Variants in ZSCAN18 observed in about 807,000 individuals in gnomAD.
ZSCAN18 encodes zinc finger and SCAN domain-containing protein 18.
Under a neutral mutation model 31.1 loss-of-function variants are expected in ZSCAN18, and 16 were observed. The ratio of observed to expected loss-of-function variants is 0.51; its 90% CI spans 0.35 to 0.78. The LOEUF (loss-of-function observed/expected upper bound fraction) is 0.78. Among genes scored for constraint, ZSCAN18 ranks in the 30% least tolerant of loss-of-function variants. ZSCAN18 has a pLI of 0.01. For synonymous variants in ZSCAN18, 375 were observed against 320.7 expected, an observed-to-expected ratio of 1.17 and a Z score of -1.81; for missense variants, 731 against 697.4, an observed-to-expected ratio of 1.05 and a Z score of -0.54.
intron 2 of ZSCAN18, 102 bp downstream of exon 2, chr19:58,089,763 G>A (rs1422522233): frequency 2.1e-6 from 3 of 1,405,848 alleles, no homozygotes; most frequent in East Asian, 4.6e-5. Flanking sequence ...TCAGCAGTGT[G>A]GGGAACTTAA....
chr19:58,090,278 C>T lies in ZSCAN18; in HGVS notation c.-11G>A, dbSNP rs200705696. On this transcript the variant is annotated 5_prime_UTR_variant, in exon 2 of 7. Transcript: ENST00000601144. This position sits in a 1 kb window ranked among gnomAD's most constrained non-coding sequence, Gnocchi z 4.7. ...CTCCAAAGGCAACATCTTTCCAAAA[C>T]GGCACTGGAAAATGTGACTGTCTAG... The T allele has an allele frequency of 2.1e-4, 336 of 1,613,482 alleles. 2 individuals are homozygous for T. In the Middle Eastern group the frequency reaches 3.0e-3, roughly 14 times the overall value.
At chr19:58,093,063 C>G (rs1181072974) in intron 1 of ZSCAN18, among the ~76,000 whole-genome samples, 2 of 152,120 alleles carry the variant, frequency 1.3e-5, no homozygotes, top group Non-Finnish European at 2.9e-5. Context: ...AGGCGTGAGC[C>G]ACTGCACCCA....
chr19:58,116,018 T>G (rs536402632), intron 1 of ZSCAN18, among the ~76,000 whole-genome samples: 1 of 151,558 alleles, frequency 6.6e-6, no homozygotes, highest in Non-Finnish European at 1.5e-5. Flanking sequence ...TAGAATAGTA[T>G]AGAGCAGTGA....
At chr19:58,114,143 C>G (rs922546094) in intron 1 of ZSCAN18, among the ~76,000 whole-genome samples, 30 of 152,014 alleles carry the variant, frequency 2.0e-4, no homozygotes, top group African/African-American at 7.3e-4. Flanking sequence ...TGGCACGTGC[C>G]TATAGTCCCA....
At chr19:58,114,295 T>C (rs1463399428) in intron 1 of ZSCAN18, among the ~76,000 whole-genome samples, 1 of 152,176 alleles carries the variant, frequency 6.6e-6, no homozygotes, top group Non-Finnish European at 1.5e-5. Flanking sequence ...AATAATGTCA[T>C]AATATAATTA....
chr19:58,096,195 T>A (rs1486648739), intron 1 of ZSCAN18, among the ~76,000 whole-genome samples: 1 of 151,800 alleles, frequency 6.6e-6, no homozygotes, highest in Non-Finnish European at 1.5e-5. Flanking sequence ...CACTCCAGCC[T>A]GGGCGACAGA....
At chr19:58,102,292 A>G (rs1005069888), upstream of ZSCAN18, among the ~76,000 whole-genome samples, 5 of 152,014 alleles carry the variant, frequency 3.3e-5, no homozygotes, top group African/African-American at 1.2e-4. Flanking sequence ...CCCTGTCTCT[A>G]CCAAGAAAAT....
At chr19:58,114,440 TTATGAG>T (rs1600018013) in intron 1 of ZSCAN18, among the ~76,000 whole-genome samples, 1 of 61,314 alleles carries the variant, frequency 1.6e-5, no homozygotes, top group African/African-American at 4.2e-5. Context: ...GCCAACATAT[TTATGAG>T]TAAAGTGTCA....
In ZSCAN18 at chr19:58,084,671, G is replaced by T; in HGVS notation, c.*14C>A. On this transcript the variant is annotated 3_prime_UTR_variant, in exon 7 of 7. Coordinates refer to ENST00000601144, the MANE Select transcript of ZSCAN18 (RefSeq NM_001145543.2). This position sits in a 1 kb window ranked among gnomAD's most constrained non-coding sequence, Gnocchi z 4.5. ...CGGCAAAGCGGCCCCTCCGGAACGG[G>T]ACAGCACAGCGGCTCACCTCTGCGC... The T allele has an allele frequency of 1.4e-6, 2 of 1,478,854 alleles. No homozygotes were observed. Among genetic ancestry groups the T allele is most frequent in the Admixed American group, 2.4e-5 (1 of 41,334 alleles). 91.6% of individuals were successfully genotyped at this position (1,478,854 alleles called of 1,614,324 possible).
chr19:58,112,614 G>A (rs1204940716), intron 1 of ZSCAN18, among the ~76,000 whole-genome samples: 1 of 149,946 alleles, frequency 6.7e-6, no homozygotes, highest in East Asian at 2.0e-4. Context: ...TCACACCACT[G>A]CACTCCAGCC....
chr19:58,116,084 C>A (rs1385782279), intron 1 of ZSCAN18, among the ~76,000 whole-genome samples: 2 of 151,294 alleles, frequency 1.3e-5, no homozygotes, highest in Non-Finnish European at 2.9e-5. Context: ...AAGAAGGTTG[C>A]AAAGTCTTGT....
At chr19:58,089,435 G>A (rs1489151434) in intron 2 of ZSCAN18, among the ~76,000 whole-genome samples, 1 of 150,796 alleles carries the variant, frequency 6.6e-6, no homozygotes, top group African/African-American at 2.4e-5. Flanking sequence ...ATACCATCCT[G>A]GCCAACATGG....
rs1041691877 is a variant in ZSCAN18, at chr19:58,118,382, T to A, written c.15A>T (p.Gly5=). ...CCGTAGCGTCCTCGTCAGCTCGCCCTCCGACTCTCCGCATGGGCGCGCAGA... is the reference window on the plus strand; with the variant it reads ...CCGTAGCGTCCTCGTCAGCTCGCCCACCGACTCTCCGCATGGGCGCGCAGA... The change falls in exon 1 of 2, where the codon GGA becomes GGT. Residue 5 remains glycine (G), a synonymous_variant. Transcript: ENST00000595721. The A allele has an allele frequency of 2.6e-6, 4 of 1,530,214 alleles. No homozygotes were observed. The African/African-American group carries it at 5.7e-5, about 22-fold the overall frequency. 94.8% of individuals were successfully genotyped at this position (1,530,214 alleles called of 1,614,324 possible). A position where few individuals can be genotyped will look rare whatever the true frequency, so the allele number is the denominator to read the frequency against.
intron 1 of ZSCAN18, among the ~76,000 whole-genome samples, chr19:58,103,280 G>A (rs2074609586): frequency 6.6e-6 from 1 of 152,126 alleles, no homozygotes; most frequent in Non-Finnish European, 1.5e-5. Context: ...TCCAGATATA[G>A]GCATTACCTT....
rs764746245 is a variant in ZSCAN18 at position 58,085,104 on chromosome 19, G to C, written c.1114C>G (p.Pro372Ala). The C allele has an allele frequency of 1.5e-5, 24 of 1,606,760 alleles. No homozygotes were observed. The highest frequency in any genetic ancestry group is 2.5e-6 in the Non-Finnish European group (3 of 1,176,480). ...RGTAKLGTKR[P>A]HPEDGDGQSL... ...TGCCCGTCCCCATCCTCGGGGTGCG[G>C]CCTCTTGGTTCCCAGTTTCGCCGTG... Residue 372 changes from proline (P) to alanine (A), a missense_variant, in exon 7 of 7, where the codon CCG becomes GCG. Around this residue, in one of 4 missense-constraint regions of ZSCAN18, gnomAD observed 597 missense variants for 499.5 expected, o/e 1.20. Coordinates refer to ENST00000601144, the MANE Select transcript of ZSCAN18 (RefSeq NM_001145543.2).
At chr19:58,106,797 G>T (rs1194543622) in intron 1 of ZSCAN18, among the ~76,000 whole-genome samples, 3 of 150,676 alleles carry the variant, frequency 2.0e-5, no homozygotes, top group African/African-American at 7.4e-5. Flanking sequence ...GCCTCCTTCT[G>T]TTTCCCAGGC....
chr19:58,113,859 TC>T (rs558075128), intron 1 of ZSCAN18, among the ~76,000 whole-genome samples: 36 of 152,066 alleles, frequency 2.4e-4, no homozygotes, highest in Admixed American at 3.9e-4. Flanking sequence ...GCGCCTGAAA[TC>T]CCAGCTACTC....
chr19:58,089,759 G>A (rs2074372581), intron 2 of ZSCAN18, 106 bp downstream of exon 2: 2 of 1,376,032 alleles, frequency 1.5e-6, no homozygotes, highest in Middle Eastern at 2.0e-4. Flanking sequence ...TGCCTCAGCA[G>A]TGTGGGGAAC....
rs1164668750 is a variant in ZSCAN18 at position 58,090,174 on chromosome 19, C to A, written c.94G>T (p.Glu32Ter). ...CTCTCAGGGATGGTCTCGGGTTCTTCCTGCTGGACTCCGGCTGCTGACCCC... is the reference window on the plus strand; with the variant it reads ...CTCTCAGGGATGGTCTCGGGTTCTTACTGCTGGACTCCGGCTGCTGACCCC... Reference protein sequence around the residue: ...TPGSAAGVQQEEPETIPERTP... With the variant: ...TPGSAAGVQQ Residue 32 changes from glutamate (E) to a stop codon, truncating the protein, a stop_gained, in exon 2 of 7, where the codon GAA (glutamate) becomes TAA (stop). Coordinates refer to ENST00000601144, the MANE Select transcript of ZSCAN18 (RefSeq NM_001145543.2). LOFTEE classifies it high-confidence loss of function. The surrounding 1 kb of genome is among the most constrained non-coding windows in gnomAD (Gnocchi z 4.7). 6.2e-7 allele frequency: 1 copy of A among 1,613,672 alleles called. No homozygotes were observed. The highest frequency in any genetic ancestry group is 2.2e-5 in the East Asian group (1 of 44,882).
Sources: gnomAD v4.1 joint callset for allele counts (sites outside exome capture counted in the v4.1 genomes callset) on GRCh38, gnomAD v4.1.1 for gene constraint, gnomAD v4.1.1 regional missense constraint, Gnocchi (gnomAD v3.1) non-coding constraint, MANE v1.5 for transcripts, NCBI Gene and HGNC (gene_info 2026-07-23, HGNC 2026-07-21) for gene names.